Variants in ERBB4 observed in about 807,000 individuals in gnomAD.
ERBB4 encodes the protein receptor tyrosine-protein kinase erbB-4.
A neutral mutation model predicts 158.0 loss-of-function variants in ERBB4; 42 were observed. The observed-to-expected ratio is 0.27, with a 90% CI of 0.21 to 0.34. ERBB4 has a LOEUF of 0.34. Among genes scored for constraint, ERBB4 ranks in the 10% least tolerant of loss-of-function variants. The pLI is 1.00. For synonymous variants in ERBB4, 583 were observed against 558.7 expected, an observed-to-expected ratio of 1.04 and a Z score of -0.61; for missense variants, 1,333 against 1,624.1, an observed-to-expected ratio of 0.82 and a Z score of 3.08.
rs1304871716 is a variant in ERBB4 at position 212,475,836 on chromosome 2, CA to C, written c.82+62612del. ...TGTATTACCAATTCTATATCCTAAACAGTTTTGGTATCTATCCACTTCTCCC... is the reference window on the plus strand; with the variant it reads ...TGTATTACCAATTCTATATCCTAAACGTTTTGGTATCTATCCACTTCTCCC... On this transcript the variant is annotated intron_variant, in intron 1 of 27. Transcript: ENST00000342788. Among the ~76,000 whole-genome samples, 6 of 151,980 alleles carry C rather than the reference CA, an allele frequency of 3.9e-5. No individual in the cohort carries two copies. In the East Asian group the frequency reaches 1.2e-3, roughly 29 times the overall value.
At chr2:212,475,089 T>A (rs1689318510) in intron 1 of ERBB4, among the ~76,000 whole-genome samples, 1 of 152,112 alleles carries the variant, frequency 6.6e-6, no homozygotes, top group Admixed American at 6.6e-5. Flanking sequence ...TGCGTCAATA[T>A]CACCTAAGCC....
At chr2:212,150,572 A>C (rs1246948746) in intron 1 of ERBB4, among the ~76,000 whole-genome samples, 1 of 152,030 alleles carries the variant, frequency 6.6e-6, no homozygotes, top group Non-Finnish European at 1.5e-5. Context: ...CCTTTGCCTT[A>C]CTTCCTTCCC....
chr2:211,801,429 T>A (rs2076495815), intron 3 of ERBB4, among the ~76,000 whole-genome samples: 1 of 152,120 alleles, frequency 6.6e-6, no homozygotes, highest in Admixed American at 6.6e-5. Context: ...AATATTCATC[T>A]TTAGACATGC....
chr2:212,364,948 T>A (rs1408288464), intron 1 of ERBB4, among the ~76,000 whole-genome samples: 1 of 151,428 alleles, frequency 6.6e-6, no homozygotes, highest in Non-Finnish European at 1.5e-5. Context: ...TTTATCAGAC[T>A]GCTAACTGAA....
intron 19 of ERBB4, among the ~76,000 whole-genome samples, chr2:211,599,228 T>C (rs2068726237): frequency 6.6e-6 from 1 of 152,088 alleles, no homozygotes; most frequent in African/African-American, 2.4e-5. Flanking sequence ...GTATATACCC[T>C]CCAGAGGGAT....
intron 3 of ERBB4, among the ~76,000 whole-genome samples, chr2:211,924,481 A>C (rs915928750): frequency 6.6e-6 from 1 of 152,166 alleles, no homozygotes; most frequent in African/African-American, 2.4e-5. Flanking sequence ...AATAAAAAAA[A>C]ATAAAAGCAC....
At chr2:211,813,042 G>T (rs2076796037) in intron 3 of ERBB4, among the ~76,000 whole-genome samples, 1 of 152,146 alleles carries the variant, frequency 6.6e-6, no homozygotes, top group African/African-American at 2.4e-5. Context: ...CGCCCTCTGT[G>T]GGCTACATCT....
chr2:212,208,617 T>C (rs966166895), intron 1 of ERBB4, among the ~76,000 whole-genome samples: 2 of 152,186 alleles, frequency 1.3e-5, no homozygotes, highest in African/African-American at 4.8e-5. Context: ...AAAGTGAAGA[T>C]CTTGAGGATG....
At chr2:211,431,917 A>C (rs1425757364) in intron 20 of ERBB4, among the ~76,000 whole-genome samples, 2 of 152,182 alleles carry the variant, frequency 1.3e-5, no homozygotes, top group Non-Finnish European at 2.9e-5. Flanking sequence ...TATCTATACA[A>C]ATTCAGAAAA....
chr2:211,794,275 A>T (rs563019904), intron 3 of ERBB4, among the ~76,000 whole-genome samples: 1 of 152,018 alleles, frequency 6.6e-6, no homozygotes, highest in Admixed American at 6.6e-5. Flanking sequence ...TGCTATGACC[A>T]CCTAGTTCTT....
At chr2:211,687,285 A>T (rs1057073745) in intron 12 of ERBB4, among the ~76,000 whole-genome samples, 6 of 144,406 alleles carry the variant, frequency 4.2e-5, no homozygotes, top group African/African-American at 1.6e-4. Flanking sequence ...AGCCTGGGTG[A>T]CAGAGCAAGA....
At chr2:212,233,590 A>C (rs1282016820) in intron 1 of ERBB4, among the ~76,000 whole-genome samples, 1 of 152,180 alleles carries the variant, frequency 6.6e-6, no homozygotes, top group Non-Finnish European at 1.5e-5. Flanking sequence ...ATTTATCATT[A>C]TCACACGTTT....
At chr2:212,272,482 T>G (rs1440196858) in intron 1 of ERBB4, among the ~76,000 whole-genome samples, 13 of 151,356 alleles carry the variant, frequency 8.6e-5, no homozygotes, top group African/African-American at 3.2e-4. Context: ...GAGAAGGGGG[T>G]TCCCCATGCT....
At chr2:211,703,118 G>T (rs555899460) in intron 11 of ERBB4, among the ~76,000 whole-genome samples, 22 of 151,280 alleles carry the variant, frequency 1.5e-4, no homozygotes, top group African/African-American at 5.1e-4. Context: ...TGGTTGTCAG[G>T]GTGTGTGTGT....
intron 3 of ERBB4, among the ~76,000 whole-genome samples, chr2:211,921,086 T>G (rs1403787345): frequency 1.3e-5 from 2 of 151,950 alleles, no homozygotes; most frequent in East Asian, 3.9e-4. Flanking sequence ...ATGCCAAACT[T>G]TAAAAAAAAA....
At chr2:211,903,928 C>CA (rs1255892475) in intron 3 of ERBB4, among the ~76,000 whole-genome samples, 1 of 151,924 alleles carries the variant, frequency 6.6e-6, no homozygotes, top group African/African-American at 2.4e-5. Context: ...TTCATTATAT[C>CA]AAACAGATTT....
chr2:211,702,891 A>G (rs1375944257), intron 11 of ERBB4, among the ~76,000 whole-genome samples: 1 of 151,994 alleles, frequency 6.6e-6, no homozygotes, highest in Non-Finnish European at 1.5e-5. Context: ...CGAGGAAACT[A>G]CTTTTATTTT....
intron 2 of ERBB4, among the ~76,000 whole-genome samples, chr2:212,070,966 T>C (rs2078098138): frequency 6.6e-6 from 1 of 151,940 alleles, no homozygotes; most frequent in African/African-American, 2.4e-5. Context: ...GTTTTCAAAA[T>C]TATATTTATT....
chr2:212,485,315 C>T (rs956129911), intron 1 of ERBB4, among the ~76,000 whole-genome samples: 1 of 152,190 alleles, frequency 6.6e-6, no homozygotes, highest in Non-Finnish European at 1.5e-5. Context: ...TGCTCTGTAT[C>T]ACTATGCCTC....
Sources: allele counts gnomAD v4.1 joint callset (sites outside exome capture counted in the v4.1 genomes callset), GRCh38; gene constraint gnomAD v4.1.1; transcripts MANE v1.5; gene names NCBI Gene and HGNC (gene_info 2026-07-23, HGNC 2026-07-21).